The following GASK1B variants were observed in gnomAD, a reference collection of about 807,000 sequenced individuals.
The protein encoded by GASK1B is golgi associated kinase 1B, also known as Golgi-associated kinase 1B.
Under a neutral mutation model 42.8 loss-of-function variants are expected in GASK1B, and 34 were observed. That is an observed-to-expected ratio of 0.79 (90% CI 0.60 to 1.06). The LOEUF is 1.06. GASK1B is among the 50% of genes least tolerant of loss of function. GASK1B has a pLI of 0.00. For synonymous variants in GASK1B, 262 were observed against 259.1 expected (o/e 1.01, Z -0.11); for missense variants, 686 against 661.0 (o/e 1.04, Z -0.42).
rs568114949 is a variant in GASK1B at position 158,127,670 on chromosome 4, T to C, written c.1353-56A>G. The C allele has an allele frequency of 2.8e-6, 4 of 1,449,560 alleles. No homozygotes were observed. The African/African-American group carries it at 4.2e-5, about 15-fold the overall frequency. 89.8% of individuals were successfully genotyped at this position (1,449,560 alleles called of 1,614,324 possible). ...GTAATTGCTTGGGAATAGTACTCCT[T>C]ACCCAACTGTCCTGCCTTTCATTAA... is the stretch of plus-strand genomic sequence containing the variant. On this transcript the variant is annotated intron_variant, in intron 4 of 4. Transcript: ENST00000585682.
intron 3 of GASK1B, among the ~76,000 whole-genome samples, chr4:158,147,197 A>C (rs1472709455): frequency 1.3e-5 from 2 of 152,208 alleles, no homozygotes; most frequent in African/African-American, 4.8e-5. Context: ...GATGAGAAAG[A>C]GTGTATAGAT....
intron 3 of GASK1B, among the ~76,000 whole-genome samples, chr4:158,151,403 T>A (rs1731553170): frequency 6.6e-6 from 1 of 152,154 alleles, no homozygotes; most frequent in South Asian, 2.1e-4. Context: ...TCCCAACAAA[T>A]CCCAGCTCCA....
chr4:158,165,654 C>T (rs1467861799), intron 2 of GASK1B, among the ~76,000 whole-genome samples: 1 of 152,094 alleles, frequency 6.6e-6, no homozygotes, highest in Non-Finnish European at 1.5e-5. Context: ...AACCATCATG[C>T]TAAAATTTGC....
intron 2 of GASK1B, among the ~76,000 whole-genome samples, chr4:158,158,499 A>G (rs1197372858): frequency 6.6e-6 from 1 of 152,124 alleles, no homozygotes; most frequent in Non-Finnish European, 1.5e-5. Context: ...GCTATTTGGG[A>G]TCATCTTGTA....
At chr4:158,131,982 G>A (rs955873747) in intron 3 of GASK1B, among the ~76,000 whole-genome samples, 1 of 152,170 alleles carries the variant, frequency 6.6e-6, no homozygotes, top group Non-Finnish European at 1.5e-5. Flanking sequence ...TGTTACTCTT[G>A]TTGAAACACA....
At chr4:158,134,231 A>G (rs1160150464) in intron 3 of GASK1B, among the ~76,000 whole-genome samples, 1 of 152,228 alleles carries the variant, frequency 6.6e-6, no homozygotes, top group African/African-American at 2.4e-5. Flanking sequence ...TATTGAGCAT[A>G]TTTATGCTTA....
chr4:158,154,112 C>A (rs1731664710), intron 3 of GASK1B, among the ~76,000 whole-genome samples: 1 of 148,512 alleles, frequency 6.7e-6, no homozygotes, highest in African/African-American at 2.5e-5. Context: ...GCAAACTATG[C>A]ATGACAAAGG....
At chr4:158,128,474 C>T (rs1440147257) in intron 4 of GASK1B, among the ~76,000 whole-genome samples, 2 of 152,024 alleles carry the variant, frequency 1.3e-5, no homozygotes, top group African/African-American at 4.8e-5. Context: ...TTGCTAAATC[C>T]CCAATTTGAC....
chr4:158,164,956 T>A (rs1205952527), intron 2 of GASK1B, among the ~76,000 whole-genome samples: 1 of 152,212 alleles, frequency 6.6e-6, no homozygotes, highest in African/African-American at 2.4e-5. Flanking sequence ...CAACTTGGGA[T>A]CTACAATGAA....
chr4:158,156,159 C>T (rs1242921191), intron 2 of GASK1B, among the ~76,000 whole-genome samples: 3 of 152,062 alleles, frequency 2.0e-5, no homozygotes, highest in Non-Finnish European at 4.4e-5. Flanking sequence ...AAGCAGCCAC[C>T]ACAAAAAGGG....
At position 158,132,020 on chromosome 4, in the gene GASK1B, T is replaced by G. The variant is rs113222199; in HGVS notation, c.1126-1008A>C. Reference sequence around the variant, plus strand: ...TACATACCATCCAAAGTTATTTATCTCAAAACAAGCTTCTAAGACAAAGAG... The same window carrying G: ...TACATACCATCCAAAGTTATTTATCGCAAAACAAGCTTCTAAGACAAAGAG... On this transcript the variant is annotated intron_variant, in intron 3 of 4. Transcript: ENST00000585682. Among the ~76,000 whole-genome samples the G allele has an allele frequency of 4.5e-3, 680 of 152,310 alleles. 9 individuals carry two copies. Among genetic ancestry groups the G allele is most frequent in the African/African-American group, 0.016 (647 of 41,560 alleles).
At chr4:158,155,554 G>A (rs1731723958) in intron 3 of GASK1B, 57 bp downstream of exon 3, 2 of 1,405,134 alleles carry the variant, frequency 1.4e-6, no homozygotes, top group African/African-American at 2.8e-5. Context: ...TTAGTGTCAG[G>A]CTAATATAAC....
chr4:158,168,056 C>A (rs1732296306), intron 2 of GASK1B, among the ~76,000 whole-genome samples: 1 of 152,114 alleles, frequency 6.6e-6, no homozygotes, highest in African/African-American at 2.4e-5. Context: ...GTATTCATAA[C>A]TATATGAAAT....
intron 3 of GASK1B, among the ~76,000 whole-genome samples, chr4:158,143,159 T>C (rs1731199161): frequency 6.6e-6 from 1 of 152,182 alleles, no homozygotes; most frequent in African/African-American, 2.4e-5. Flanking sequence ...GATGAAATAA[T>C]ATAATGCCAA....
At chr4:158,170,169 G>C in intron 2 of GASK1B, 1 of 1,517,130 alleles carries the variant, frequency 6.6e-7, no homozygotes, top group Non-Finnish European at 9.0e-7. Context: ...ATTGCCGTTG[G>C]CTTTAATTAG....
intron 4 of GASK1B, among the ~76,000 whole-genome samples, chr4:158,130,383 T>C (rs545742363): frequency 2.0e-5 from 3 of 152,306 alleles, no homozygotes; most frequent in African/African-American, 7.2e-5. Flanking sequence ...GCCATGTCAA[T>C]ATTTGCACAT....
intron 3 of GASK1B, among the ~76,000 whole-genome samples, chr4:158,135,846 C>T (rs970634787): frequency 3.9e-5 from 6 of 151,974 alleles, no homozygotes; most frequent in Admixed American, 1.3e-4. Context: ...TTTTAAGAGC[C>T]AGGCAGTGTT....
At chr4:158,157,367 G>A (rs1731796804) in intron 2 of GASK1B, among the ~76,000 whole-genome samples, 1 of 151,962 alleles carries the variant, frequency 6.6e-6, no homozygotes, top group South Asian at 2.1e-4. Context: ...TAAATGATTT[G>A]GGGTTCCTGG....
intron 2 of GASK1B, among the ~76,000 whole-genome samples, chr4:158,162,214 C>T (rs771432302): frequency 9.2e-5 from 14 of 152,158 alleles, no homozygotes; most frequent in Non-Finnish European, 1.6e-4. Flanking sequence ...GTTAAATTCT[C>T]CCTCTCTGTG....
Sources: allele counts gnomAD v4.1 joint callset (sites outside exome capture counted in the v4.1 genomes callset), GRCh38; gene constraint gnomAD v4.1.1; transcripts MANE v1.5; gene names NCBI Gene and HGNC (gene_info 2026-07-23, HGNC 2026-07-21).